CERS6: variants seen among roughly 807,000 people sequenced by gnomAD.
CERS6 encodes the protein ceramide synthase 6.
CERS6 carries 26 observed loss-of-function variants against 56.8 expected under a neutral mutation model. The ratio of observed to expected loss-of-function variants is 0.46; its 90% CI spans 0.34 to 0.63. CERS6 has a LOEUF of 0.63. CERS6 is among the 30% of genes least tolerant of loss of function. The probability of loss-of-function intolerance (pLI) is 0.01; values close to 1 mark genes in which losing one functional copy is unlikely to be tolerated. For synonymous variants in CERS6, 164 were observed against 173.3 expected (o/e 0.95, Z 0.42); for missense variants, 415 against 467.5 (o/e 0.89, Z 1.04).
At chr2:168,610,718 A>C (rs1163468350) in intron 3 of CERS6, among the ~76,000 whole-genome samples, 1 of 152,202 alleles carries the variant, frequency 6.6e-6, no homozygotes, top group African/African-American at 2.4e-5. Flanking sequence ...TACTATAGTT[A>C]TACTGTTAAA....
intron 4 of CERS6, among the ~76,000 whole-genome samples, chr2:168,654,386 A>G (rs2105320685): frequency 6.6e-6 from 1 of 152,234 alleles, no homozygotes; most frequent in African/African-American, 2.4e-5. Flanking sequence ...TCTATTAAAA[A>G]TACAATTTTA....
At chr2:168,725,415 G>A (rs1359361081) in intron 8 of CERS6, among the ~76,000 whole-genome samples, 3 of 152,278 alleles carry the variant, frequency 2.0e-5, no homozygotes, top group Non-Finnish European at 2.9e-5. Flanking sequence ...AGGAGGCGCC[G>A]AGAGCGAGCG....
chr2:168,545,743 G>C (rs1358166266), intron 1 of CERS6, among the ~76,000 whole-genome samples: 2 of 152,204 alleles, frequency 1.3e-5, no homozygotes, highest in African/African-American at 2.4e-5. Context: ...CATTGTCACA[G>C]GGCATACAAA....
intron 3 of CERS6, among the ~76,000 whole-genome samples, chr2:168,603,393 G>A (rs1683979532): frequency 6.6e-6 from 1 of 152,116 alleles, no homozygotes; most frequent in South Asian, 2.1e-4. Context: ...AGCCTTTATG[G>A]GAAATAACTA....
chr2:168,679,407 G>A lies in CERS6; in HGVS notation c.466-11627G>A, dbSNP rs561966978. Among the ~76,000 whole-genome samples, 17 of 152,262 alleles carry A rather than the reference G, an allele frequency of 1.1e-4. No homozygotes were observed. In the East Asian group the frequency reaches 1.4e-3, roughly 12 times the overall value. On this transcript the variant is annotated intron_variant, in intron 4 of 9. Coordinates refer to ENST00000305747, the MANE Select transcript of CERS6 (RefSeq NM_203463.3). ...TTTGGTCATTATCCAATATCTACAC[G>A]TGTTAAAACATCAAATTGTACTCCA...
intron 1 of CERS6, among the ~76,000 whole-genome samples, chr2:168,494,195 A>C (rs1694423409): frequency 6.6e-6 from 1 of 152,134 alleles, no homozygotes; most frequent in Non-Finnish European, 1.5e-5. Flanking sequence ...TCTGCTCTTT[A>C]CCAGTCCTTC....
intron 8 of CERS6, among the ~76,000 whole-genome samples, chr2:168,752,598 C>T (rs11893877): frequency 0.028 from 4,239 of 152,132 alleles, 208 homozygotes; most frequent in African/African-American, 0.097. Context: ...TGATGGGGTG[C>T]GAACAAGGAG....
chr2:168,497,432 AAGAT>A (rs917891404), intron 1 of CERS6, among the ~76,000 whole-genome samples: 33 of 152,296 alleles, frequency 2.2e-4, no homozygotes, highest in African/African-American at 7.2e-4. Context: ...AAAAGAAAGA[AAGAT>A]AGATACCTAA....
intron 2 of CERS6, among the ~76,000 whole-genome samples, chr2:168,555,957 A>T (rs780804326): frequency 2.0e-5 from 3 of 152,110 alleles, no homozygotes; most frequent in Non-Finnish European, 4.4e-5. Context: ...CAAAAATTAT[A>T]TGTGCTTTCT....
chr2:168,495,915 G>A (rs189267562), intron 1 of CERS6, among the ~76,000 whole-genome samples: 14 of 152,256 alleles, frequency 9.2e-5, no homozygotes, highest in Admixed American at 9.2e-4. Flanking sequence ...CAAAACTTAA[G>A]TCTCCATCCC....
Position 168,456,639 on chromosome 2 carries a change from T to C in CERS6, c.170+21T>C, listed in dbSNP as rs1231768075. The C allele has an allele frequency of 1.2e-6, 2 of 1,608,520 alleles. No individual in the cohort carries two copies. Among genetic ancestry groups the C allele is most frequent in the Non-Finnish European group, 1.7e-6 (2 of 1,176,684 alleles). ...GAGAGGTAAGAAGGGCTGAAGCCCCTCCTCCCCTCCCCCTGCGCACACACA... is the reference window on the plus strand; with the variant it reads ...GAGAGGTAAGAAGGGCTGAAGCCCCCCCTCCCCTCCCCCTGCGCACACACA... On this transcript the variant is annotated intron_variant, in intron 1 of 9. Transcript: ENST00000305747. This position sits in a 1 kb window ranked among gnomAD's most constrained non-coding sequence, Gnocchi z 4.1.
intron 6 of CERS6, among the ~76,000 whole-genome samples, chr2:168,700,275 A>G (rs1686772656): frequency 2.0e-5 from 3 of 152,330 alleles, no homozygotes; most frequent in Middle Eastern, 6.8e-3. Context: ...GTCATGCTCC[A>G]GATCTTGCCT....
chr2:168,475,780 C>T (rs1210523183), intron 1 of CERS6, among the ~76,000 whole-genome samples: 2 of 152,130 alleles, frequency 1.3e-5, no homozygotes, highest in Non-Finnish European at 2.9e-5. Context: ...TTAGTTACAG[C>T]AGGCAAACTT....
chr2:168,671,768 A>C lies in CERS6; in HGVS notation c.466-19266A>C, dbSNP rs183912177. ...ATGTATGTCCTAGACTCAGAAGCTA[A>C]ATTGATACATTTTCACCCAGCTTAT... On this transcript the variant is annotated intron_variant, in intron 4 of 9. Transcript: ENST00000305747. Among the ~76,000 whole-genome samples, 304 of 152,286 alleles carry C rather than the reference A, an allele frequency of 2.0e-3. 4 individuals carry two copies. The highest frequency in any genetic ancestry group is 3.0e-3 in the Non-Finnish European group (205 of 68,000).
chr2:168,604,391 G>T (rs78782683), intron 3 of CERS6, among the ~76,000 whole-genome samples: 2 of 280 alleles, frequency 7.1e-3, no homozygotes, highest in South Asian at 0.5. Flanking sequence ...AGTTGTATAC[G>T]TGTGTGTGTG....
intron 3 of CERS6, among the ~76,000 whole-genome samples, chr2:168,607,718 G>C (rs540917145): frequency 3.8e-4 from 58 of 152,258 alleles, no homozygotes; most frequent in Admixed American, 2.6e-3. Context: ...TTATGTTTTT[G>C]CAGTCTTTTC....
intron 8 of CERS6, among the ~76,000 whole-genome samples, chr2:168,763,399 C>T (rs1042513881): frequency 9.9e-5 from 15 of 151,814 alleles, no homozygotes; most frequent in African/African-American, 3.4e-4. Context: ...CACACACCAG[C>T]ACACTCGGCT....
At chr2:168,767,690 G>A (rs150509370) in intron 9 of CERS6, among the ~76,000 whole-genome samples, 550 of 152,306 alleles carry the variant, frequency 3.6e-3, no homozygotes, top group African/African-American at 0.012. Context: ...GAGAGAGGAC[G>A]TTCTCCCACA....
intron 2 of CERS6, among the ~76,000 whole-genome samples, chr2:168,557,337 AC>A (rs1695701361): frequency 6.6e-6 from 1 of 152,202 alleles, no homozygotes; most frequent in African/African-American, 2.4e-5. Context: ...ATGTTAATTC[AC>A]CCTATGTTAT....
Sources: allele counts gnomAD v4.1 joint callset (sites outside exome capture counted in the v4.1 genomes callset), GRCh38; gene constraint gnomAD v4.1.1; non-coding constraint Gnocchi (gnomAD v3.1); transcripts MANE v1.5; gene names NCBI Gene and HGNC (gene_info 2026-07-23, HGNC 2026-07-21).